GRM1: variants seen among roughly 807,000 people sequenced by gnomAD.
GRM1 encodes the protein glutamate metabotropic receptor 1.
In GRM1, 33 loss-of-function variants were observed where a neutral mutation model predicts 90.9. The ratio of observed to expected loss-of-function variants is 0.36; its 90% CI spans 0.28 to 0.49. The LOEUF is 0.49. Ranked by LOEUF, GRM1 falls within the 20% of genes least tolerant of loss-of-function variation. GRM1 has a pLI of 0.99. For synonymous variants in GRM1, 700 were observed against 613.2 expected, an observed-to-expected ratio of 1.14 and a Z score of -2.09; for missense variants, 1,190 against 1,534.3, an observed-to-expected ratio of 0.78 and a Z score of 3.75.
intron 3 of GRM1, among the ~76,000 whole-genome samples, chr6:146,348,991 A>G (rs936380487): frequency 1.1e-4 from 16 of 152,002 alleles, no homozygotes; most frequent in African/African-American, 3.6e-4. Context: ...GGATTATAGT[A>G]AGCATTATAG....
At chr6:146,170,961 G>A (rs1778099258) in intron 2 of GRM1, among the ~76,000 whole-genome samples, 1 of 151,878 alleles carries the variant, frequency 6.6e-6, no homozygotes, top group Non-Finnish European at 1.5e-5. Context: ...TTTGTCTTGG[G>A]TAGATTATTT....
intron 2 of GRM1, among the ~76,000 whole-genome samples, chr6:146,274,961 T>C (rs1221932681): frequency 6.6e-6 from 1 of 151,824 alleles, no homozygotes. Context: ...ATCCAGGAGG[T>C]GGAGTTTGCA....
intron 2 of GRM1, among the ~76,000 whole-genome samples, chr6:146,177,004 C>G (rs932129825): frequency 6.6e-6 from 1 of 152,042 alleles, no homozygotes; most frequent in South Asian, 2.1e-4. Context: ...CAGAATTCCC[C>G]TGCATGCCAT....
At chr6:146,158,015 T>C (rs943885804) in intron 1 of GRM1, among the ~76,000 whole-genome samples, 1 of 152,214 alleles carries the variant, frequency 6.6e-6, no homozygotes, top group Non-Finnish European at 1.5e-5. Flanking sequence ...TTATTCCTTC[T>C]GTAAGAAAAT....
chr6:146,235,979 A>G (rs1461872154), intron 2 of GRM1, among the ~76,000 whole-genome samples: 2 of 152,014 alleles, frequency 1.3e-5, no homozygotes, highest in Non-Finnish European at 2.9e-5. Flanking sequence ...GTTGAAAGAT[A>G]TGCCATTTTT....
intron 2 of GRM1, among the ~76,000 whole-genome samples, chr6:146,166,776 T>C (rs1006317587): frequency 1.3e-5 from 2 of 152,140 alleles, no homozygotes; most frequent in African/African-American, 2.4e-5. Context: ...GAATTGTTCC[T>C]TAAGTTAGAC....
At chr6:146,244,872 G>A (rs909955951) in intron 2 of GRM1, among the ~76,000 whole-genome samples, 5 of 152,176 alleles carry the variant, frequency 3.3e-5, no homozygotes, top group African/African-American at 1.2e-4. Flanking sequence ...GTTCTGTACT[G>A]TGGCCATCAG....
intron 2 of GRM1, among the ~76,000 whole-genome samples, chr6:146,193,082 G>A (rs2143322): frequency 0.11 from 16,865 of 152,114 alleles, 1,895 homozygotes; most frequent in African/African-American, 0.29. Flanking sequence ...CATTTTCTGA[G>A]ATGAGGATGC....
intron 2 of GRM1, among the ~76,000 whole-genome samples, chr6:146,260,281 T>C (rs1283832440): frequency 6.6e-6 from 1 of 152,116 alleles, no homozygotes; most frequent in East Asian, 1.9e-4. Context: ...GTTAGTTTGC[T>C]GAGAATGATG....
At chr6:146,385,152 C>A (rs1776456716) in intron 5 of GRM1, among the ~76,000 whole-genome samples, 1 of 151,962 alleles carries the variant, frequency 6.6e-6, no homozygotes, top group African/African-American at 2.4e-5. Flanking sequence ...TAAAGTTCAA[C>A]AAATCCTAAG....
intron 2 of GRM1, among the ~76,000 whole-genome samples, chr6:146,174,502 G>A (rs1431611924): frequency 6.6e-6 from 1 of 152,174 alleles, no homozygotes. Flanking sequence ...GGTATACTGT[G>A]TGTAGTTTGC....
chr6:146,360,272 G>A (rs1464426128), intron 5 of GRM1, among the ~76,000 whole-genome samples: 1 of 151,996 alleles, frequency 6.6e-6, no homozygotes, highest in East Asian at 1.9e-4. Flanking sequence ...CATTTCCTTT[G>A]AAGTAGTCAA....
At chr6:146,365,146 A>T (rs1174569516) in intron 5 of GRM1, 1 of 152,172 alleles carries the variant, frequency 6.6e-6, no homozygotes, top group African/African-American at 2.4e-5. Flanking sequence ...ATAATTATGT[A>T]ATGATGAGAT....
At chr6:146,045,749 C>G (rs1466020615) in intron 1 of GRM1, among the ~76,000 whole-genome samples, 1 of 87,402 alleles carries the variant, frequency 1.1e-5, no homozygotes, top group Non-Finnish European at 2.2e-5. Context: ...TGGAATACAG[C>G]AAAAAAAAAA....
chr6:146,320,961 C>T lies in GRM1; in HGVS notation c.1186+16115C>T, dbSNP rs547106479. On this transcript the variant is annotated intron_variant, in intron 3 of 7. Transcript: ENST00000282753. ...TTTTTTTTTTAAGGATTTTTCATGTCGCTATCTCCTTCAGTTCTGCTCTGA... is the reference window on the plus strand; with the variant it reads ...TTTTTTTTTTAAGGATTTTTCATGTTGCTATCTCCTTCAGTTCTGCTCTGA... Among the ~76,000 whole-genome samples the T allele has an allele frequency of 3.9e-5, 6 of 151,982 alleles. No homozygotes were observed. The East Asian group carries it at 5.8e-4, about 15-fold the overall frequency.
intron 2 of GRM1, among the ~76,000 whole-genome samples, chr6:146,205,316 A>G (rs950092832): frequency 6.6e-6 from 1 of 152,144 alleles, no homozygotes; most frequent in African/African-American, 2.4e-5. Flanking sequence ...TTAAAAGATA[A>G]TGTTCATTTT....
At chr6:146,224,825 A>G (rs1780185577) in intron 2 of GRM1, among the ~76,000 whole-genome samples, 1 of 152,124 alleles carries the variant, frequency 6.6e-6, no homozygotes, top group Non-Finnish European at 1.5e-5. Flanking sequence ...GGAAGGAAGC[A>G]GGGAGAAAAG....
chr6:146,159,470 C>T lies in GRM1; in HGVS notation c.823C>T (p.Arg275Cys), dbSNP rs766567009. 2.5e-6 allele frequency: 4 copies of T among 1,614,200 alleles called. No homozygotes were observed. The highest frequency in any genetic ancestry group is 3.4e-6 in the Non-Finnish European group (4 of 1,180,022). The change falls in exon 2 of 8, where the codon CGC becomes TGC. Residue 275 changes from arginine (R) to cysteine (C), a missense_variant. By Grantham distance (180) the Arg-to-Cys change is radical. This residue lies in a region of GRM1 where 45 missense variants were observed against 45.5 expected (regional missense o/e 0.99). Transcript: ENST00000282753. ...AGEKSFDRLL[R>C]KLRERLPKAR... ...GGAGAAGAGCTTTGACCGACTCTTG[C>T]GCAAACTCCGAGAGAGGCTTCCCAA...
At chr6:146,410,870 C>A (rs148786991) in intron 7 of GRM1, among the ~76,000 whole-genome samples, 4 of 152,164 alleles carry the variant, frequency 2.6e-5, no homozygotes, top group African/African-American at 7.2e-5. Context: ...GTATGTGAAG[C>A]CAAAAGTTAT....
Sources: allele counts gnomAD v4.1 joint callset (sites outside exome capture counted in the v4.1 genomes callset), GRCh38; gene constraint gnomAD v4.1.1; regional missense constraint gnomAD v4.1.1; transcripts MANE v1.5; gene names NCBI Gene and HGNC (gene_info 2026-07-23, HGNC 2026-07-21).